The following CLU variants were observed in gnomAD, a reference collection of about 807,000 sequenced individuals.
CLU encodes the protein clusterin, also known as aging-associated protein 4.
Under a neutral mutation model 46.4 loss-of-function variants are expected in CLU, and 25 were observed. That is an observed-to-expected ratio of 0.54 (90% confidence interval 0.39 to 0.75). The LOEUF (loss-of-function observed/expected upper bound fraction) is 0.75, where lower values mean the gene tolerates loss of function less well. CLU is among the 30% of genes least tolerant of loss of function. The pLI is 0.00. For missense variants in CLU, 504 were observed against 592.1 expected (o/e 0.85, Z 1.54); for synonymous variants, 235 against 235.1 (o/e 1.00, Z 0.00).
Position 27,597,128 on chromosome 8 carries a change from A to G in CLU, c.*1113T>C, listed in dbSNP as rs1244993473. Reference sequence around the variant, plus strand: ...TTTAAGTTTGTTGTTTATAACTTCAAAGAGAGACAAGGGACAGTGACTTAA... The same window carrying G: ...TTTAAGTTTGTTGTTTATAACTTCAGAGAGAGACAAGGGACAGTGACTTAA... On this transcript the variant is annotated 3_prime_UTR_variant, in exon 9 of 9. Coordinates refer to ENST00000316403, the MANE Select transcript of CLU (RefSeq NM_001831.4). 2 of 454,098 alleles carry G rather than the reference A, an allele frequency of 4.4e-6. No individual in the cohort carries two copies. Among genetic ancestry groups the G allele is most frequent in the Non-Finnish European group, 8.8e-6 (2 of 226,772 alleles). The allele number at this position is 454,098 out of a possible 1,614,324, so 28.1% of individuals were successfully genotyped here.
chr8:27,609,377 C>T (rs1461645246), intron 2 of CLU, among the ~76,000 whole-genome samples: 2 of 138,164 alleles, frequency 1.4e-5, no homozygotes, highest in African/African-American at 5.3e-5. Context: ...GAGCTGGGTG[C>T]AGAAGAAACT....
intron 3 of CLU, among the ~76,000 whole-genome samples, chr8:27,607,795 T>C (rs11787077): frequency 0.57 from 86,203 of 151,220 alleles, 25,065 homozygotes; most frequent in East Asian, 0.77. Context: ...GGTGAGGTCT[T>C]TGTCCTGCTC....
In CLU at chr8:27,597,369, A is replaced by C. The variant is rs1317131084; in HGVS notation, c.*872T>G. On this transcript the variant is annotated 3_prime_UTR_variant, in exon 9 of 9. Transcript: ENST00000316403. ...GTACTGCAGCCCAGCTATGGTTCAG[A>C]CTAAAAGCCGAGAAACGCCTGTGGT... 2 of 454,428 alleles carry C rather than the reference A, an allele frequency of 4.4e-6. No homozygotes were observed. The highest frequency in any genetic ancestry group is 6.9e-5 in the East Asian group (1 of 14,408). The allele number at this position is 454,428 out of a possible 1,614,324, so 28.1% of individuals were successfully genotyped here.
At chr8:27,598,408 C>G in intron 8 of CLU, 52 bp downstream of exon 8, 2 of 1,611,592 alleles carry the variant, frequency 1.2e-6, no homozygotes, top group Non-Finnish European at 1.7e-6. Flanking sequence ...TTTTGTGGCT[C>G]CCAGAGACTC....
chr8:27,612,032 A>C, intron 1 of CLU: 1 of 339,876 alleles, frequency 2.9e-6, no homozygotes, highest in South Asian at 2.4e-5. Context: ...CTGGGCCATG[A>C]AGAATGGGGC....
intron 5 of CLU, among the ~76,000 whole-genome samples, 194 bp downstream of exon 5, chr8:27,604,730 T>C (rs1356325638): frequency 1.3e-5 from 2 of 152,178 alleles, no homozygotes; most frequent in East Asian, 3.9e-4. Flanking sequence ...CCTCCCGCCT[T>C]GGCCTCTCAA....
chr8:27,611,122 G>A (rs1270291753), intron 1 of CLU: 6 of 442,044 alleles, frequency 1.4e-5, no homozygotes, highest in African/African-American at 4.0e-5. Context: ...CAGCGCTGCA[G>A]CCCCCAGGGA....
At chr8:27,603,975 C>A (rs4732729) in intron 6 of CLU, among the ~76,000 whole-genome samples, 54,143 of 152,054 alleles carry the variant, frequency 0.36, 10,573 homozygotes, top group East Asian at 0.77. Flanking sequence ...AACAGAATCA[C>A]CGGGGAGTCC....
chr8:27,601,788 T>G (rs1416895354), intron 6 of CLU, among the ~76,000 whole-genome samples: 1 of 151,974 alleles, frequency 6.6e-6, no homozygotes, highest in Admixed American at 6.5e-5. Flanking sequence ...ACTTCATTAT[T>G]TTACCAAAAA....
rs9331937 is a variant in CLU, at chr8:27,599,990, G to C, written c.954C>G (p.Pro318=). Residue 318 remains proline, a synonymous_variant, in exon 7 of 9, where the codon CCC becomes CCG. Coordinates refer to ENST00000316403, the MANE Select transcript of CLU (RefSeq NM_001831.4). This position sits in a 1 kb window ranked among gnomAD's most constrained non-coding sequence, Gnocchi z 4.0. The part of the protein sequence containing the change: ...ILSVDCSTNN[P]SQAKLRRELD... ...GCTCCCGCCGCAGCTTAGCCTGGGA[G>C]GGGTTGTTGGTGGAACAGTCTGCCC... 7,900 of 1,614,098 alleles carry C rather than the reference G, an allele frequency of 4.9e-3. 361 individuals are homozygous for C. In the African/African-American group the frequency reaches 0.092, roughly 19 times the overall value.
In CLU at chr8:27,606,234, A is replaced by G. The variant is rs1176696163; in HGVS notation, c.417+120T>C. ...CCAGACATTACCAATGGAGCATGGC[A>G]CTCTGGGCAAGCCAGCCAATGCTAA... On this transcript the variant is annotated intron_variant, in intron 4 of 8. Transcript: ENST00000316403. The G allele has an allele frequency of 2.6e-6, 3 of 1,149,122 alleles. No individual in the cohort carries two copies. In the African/African-American group the frequency reaches 4.5e-5, roughly 17 times the overall value. 71.2% of individuals were successfully genotyped at this position (1,149,122 alleles called of 1,614,324 possible).
Position 27,598,454 on chromosome 8 carries a change from G to A in CLU, c.1340+6C>T. ...GCAGGCCCGCAGGAAAGGCCCGCCT[G>A]CTTACCGGTGCTTTTTGCGGTATTC... On this transcript the variant is annotated splice_donor_region_variant and intron_variant, in intron 8 of 8. Coordinates refer to ENST00000316403, the MANE Select transcript of CLU (RefSeq NM_001831.4). The A allele has an allele frequency of 6.2e-7, 1 of 1,613,934 alleles. No individual in the cohort carries two copies. The highest frequency in any genetic ancestry group is 1.7e-5 in the Admixed American group (1 of 60,014).
chr8:27,598,314 C>G, intron 8 of CLU, 64 bp from the exon 9 acceptor site: 2 of 1,604,866 alleles, frequency 1.2e-6, no homozygotes, highest in Non-Finnish European at 1.7e-6. Flanking sequence ...AAAATTCCCC[C>G]GTAACTTCCT....
At chr8:27,608,354 T>C (rs1410152438) in intron 3 of CLU, among the ~76,000 whole-genome samples, 4 of 152,230 alleles carry the variant, frequency 2.6e-5, no homozygotes, top group African/African-American at 7.2e-5. Flanking sequence ...GCATCTGAAG[T>C]AGGGCGACCG....
Position 27,597,788 on chromosome 8 carries a change from A to G in CLU, c.*453T>C. Reference sequence around the variant, plus strand: ...AAACACATCTCTCTTCCTGAAAGCAAGCAATTCTTGAAGTGGATCAACCTT... The same window carrying G: ...AAACACATCTCTCTTCCTGAAAGCAGGCAATTCTTGAAGTGGATCAACCTT... On this transcript the variant is annotated 3_prime_UTR_variant, in exon 9 of 9. Coordinates refer to ENST00000316403, the MANE Select transcript of CLU (RefSeq NM_001831.4). The G allele has an allele frequency of 2.2e-6, 1 of 457,868 alleles. No individual in the cohort carries two copies. The highest frequency in any genetic ancestry group is 4.4e-6 in the Non-Finnish European group (1 of 229,460). The allele number at this position is 457,868 out of a possible 1,614,324, so 28.4% of individuals were successfully genotyped here. A position where few individuals can be genotyped will look rare whatever the true frequency, so the allele number is the denominator to read the frequency against.
At chr8:27,606,869 T>G (rs1800831487) in intron 3 of CLU, among the ~76,000 whole-genome samples, 3 of 152,248 alleles carry the variant, frequency 2.0e-5, no homozygotes. Context: ...ATTCTCTGCT[T>G]CTGGTGTTTA....
At chr8:27,610,899 C>G in intron 1 of CLU, 1 of 404,276 alleles carries the variant, frequency 2.5e-6, no homozygotes, top group Non-Finnish European at 4.7e-6. Flanking sequence ...CCACATCCTC[C>G]CCGACAATCA....
Position 27,604,382 on chromosome 8 carries a change from G to A in CLU, c.843C>T (p.Asp281=). The change falls in exon 6 of 9, where the codon GAC becomes GAT. Residue 281 remains aspartate (D), a synonymous_variant. Transcript: ENST00000316403. ...GGCGGATCTCCCGGCACACAGTCCG[G>A]TCATCGTCGCCTTCTGGGGACACAC... ...PTEFIREGDD[D]RTVCREIRHN... 6.2e-7 allele frequency: 1 copy of A among 1,614,176 alleles called. No individual in the cohort carries two copies. Among genetic ancestry groups the A allele is most frequent in the Non-Finnish European group, 8.5e-7 (1 of 1,180,016 alleles).
In CLU at chr8:27,598,831, CAT is replaced by C. The variant is rs1167529962; in HGVS notation, c.1165-198_1165-197del. ...AGAACGGACCTGGTTCACAGACACT[CAT>C]GTGTTGGGGCAAATGTCATCTGCAA... On this transcript the variant is annotated intron_variant, in intron 7 of 8. Coordinates refer to ENST00000316403, the MANE Select transcript of CLU (RefSeq NM_001831.4). 6.0e-5 allele frequency: 37 copies of C among 612,640 alleles called. No individual in the cohort carries two copies. The East Asian group carries it at 9.0e-4, about 15-fold the overall frequency. 38.0% of individuals were successfully genotyped at this position (612,640 alleles called of 1,614,324 possible). A position where few individuals can be genotyped will look rare whatever the true frequency, so the allele number is the denominator to read the frequency against.
Sources: gnomAD v4.1 joint callset for allele counts (sites outside exome capture counted in the v4.1 genomes callset) on GRCh38, gnomAD v4.1.1 for gene constraint, Gnocchi (gnomAD v3.1) non-coding constraint, MANE v1.5 for transcripts, NCBI Gene and HGNC (gene_info 2026-07-23, HGNC 2026-07-21) for gene names.